AXDND1: variants seen among roughly 807,000 people sequenced by gnomAD.
The protein encoded by AXDND1 is axonemal dynein light chain domain-containing protein 1.
In AXDND1, 110 loss-of-function variants were observed where a neutral mutation model predicts 137.5. The ratio of observed to expected loss-of-function variants is 0.80; its 90% confidence interval spans 0.69 to 0.94. AXDND1 has a LOEUF of 0.94. Ranked by LOEUF, AXDND1 falls within the 40% of genes least tolerant of loss-of-function variation. The pLI is 0.00. For synonymous variants in AXDND1, 414 were observed against 399.7 expected, an observed-to-expected ratio of 1.04 and a Z score of -0.43; for missense variants, 1,191 against 1,169.8, an observed-to-expected ratio of 1.02 and a Z score of -0.26.
At chr1:179,456,659 G>T in intron 16 of AXDND1, 1 of 840,970 alleles carries the variant, frequency 1.2e-6, no homozygotes. Context: ...TGCCACCAAA[G>T]CCATCATGAC....
chr1:179,554,712 C>T lies in AXDND1; in HGVS notation c.*193C>T, dbSNP rs1483990114. ...AGTTGTTTAACTTGCATGGTGCCAC[C>T]CAATAAATATCTGTGCAATTGAAGA... On this transcript the variant is annotated 3_prime_UTR_variant, in exon 26 of 26. Transcript: ENST00000367618. The T allele has an allele frequency of 2.7e-6, 2 of 752,452 alleles. No homozygotes were observed. Among genetic ancestry groups the T allele is most frequent in the African/African-American group, 3.5e-5 (2 of 57,368 alleles). The allele number at this position is 752,452 out of a possible 1,614,324, so 46.6% of individuals were successfully genotyped here. A position where few individuals can be genotyped will look rare whatever the true frequency, so the allele number is the denominator to read the frequency against.
chr1:179,441,049 A>C (rs562652469), intron 15 of AXDND1, among the ~76,000 whole-genome samples: 1 of 152,290 alleles, frequency 6.6e-6, no homozygotes, highest in South Asian at 2.1e-4. Flanking sequence ...TGAGGGAATC[A>C]ATGTACCTCC....
intron 9 of AXDND1, among the ~76,000 whole-genome samples, chr1:179,389,037 C>T (rs537519938): frequency 3.1e-5 from 4 of 127,700 alleles, no homozygotes; most frequent in African/African-American, 8.9e-5. Flanking sequence ...TGCAATGGCA[C>T]GATCTCAGCT....
Position 179,511,575 on chromosome 1 carries a change from C to A in AXDND1, c.2496+2172C>A, listed in dbSNP as rs189409039. ...TGACTTCTTTTCCTCTGGGTAGATA[C>A]CCAGTAATGAGATTGCTGGATCAAA... is the stretch of plus-strand genomic sequence containing the variant. On this transcript the variant is annotated intron_variant, in intron 21 of 25. Transcript: ENST00000367618. Among the ~76,000 whole-genome samples, 31 of 152,170 alleles carry A rather than the reference C, an allele frequency of 2.0e-4. No individual in the cohort carries two copies. In the South Asian group the frequency reaches 4.6e-3, roughly 22 times the overall value.
intron 11 of AXDND1, 132 bp from the exon 12 acceptor site, chr1:179,411,014 A>T: frequency 1.5e-6 from 1 of 649,208 alleles, no homozygotes; most frequent in Non-Finnish European, 2.4e-6. Context: ...CAGCAATTAT[A>T]CCATAATTAC....
Position 179,378,733 on chromosome 1 carries a change from TGATGGTGTCATTGTGCCC to T in AXDND1, c.472_489del (p.Asp158_Pro163del), listed in dbSNP as rs770728862. The T allele has an allele frequency of 3.8e-6, 6 of 1,581,166 alleles. No homozygotes were observed. Among genetic ancestry groups the T allele is most frequent in the Non-Finnish European group, 5.2e-6 (6 of 1,161,642 alleles). Reference sequence around the variant, plus strand: ...ATTTGGCCCGTTCATTACAGTCACATGATGGTGTCATTGTGCCCCATAAGGTAAATAAAGTATTTGACA... The same window carrying T: ...ATTTGGCCCGTTCATTACAGTCACATCATAAGGTAAATAAAGTATTTGACA... On this transcript the variant is annotated inframe_deletion, in exon 5 of 26. Coordinates refer to ENST00000367618, the MANE Select transcript of AXDND1 (RefSeq NM_144696.6).
intron 20 of AXDND1, among the ~76,000 whole-genome samples, chr1:179,498,472 A>C (rs111886024): frequency 1.3e-4 from 20 of 152,178 alleles, no homozygotes; most frequent in African/African-American, 4.3e-4. Context: ...ACATCAAACT[A>C]TAAAAATCTG....
At chr1:179,433,525 G>T (rs181980154) in intron 15 of AXDND1, among the ~76,000 whole-genome samples, 1 of 152,028 alleles carries the variant, frequency 6.6e-6, no homozygotes, top group Non-Finnish European at 1.5e-5. Flanking sequence ...CCATCTTAAC[G>T]CTGCTTTAGC....
chr1:179,512,013 T>A (rs1669106753), intron 21 of AXDND1, among the ~76,000 whole-genome samples: 2 of 152,332 alleles, frequency 1.3e-5, no homozygotes, highest in South Asian at 4.2e-4. Context: ...ACTCTGTGCG[T>A]TGTCTGTTTA....
intron 11 of AXDND1, among the ~76,000 whole-genome samples, chr1:179,401,278 A>AAAAAAAG: frequency 6.7e-6 from 1 of 149,698 alleles, no homozygotes; most frequent in East Asian, 2.0e-4. Flanking sequence ...AAAAAAAAAA[A>AAAAAAAG]GAACGTCTGC....
intron 4 of AXDND1, among the ~76,000 whole-genome samples, chr1:179,372,311 G>A (rs1029733947): frequency 6.6e-6 from 1 of 152,136 alleles, no homozygotes; most frequent in Admixed American, 6.6e-5. Flanking sequence ...GCAGAACATT[G>A]GGTATTTACA....
intron 4 of AXDND1, among the ~76,000 whole-genome samples, chr1:179,378,116 C>G (rs1038387308): frequency 3.9e-5 from 6 of 152,058 alleles, no homozygotes; most frequent in African/African-American, 1.4e-4. Context: ...TTGTAGTGAG[C>G]TGAGATTTTG....
chr1:179,552,081 C>G (rs1254817280), intron 25 of AXDND1: 1 of 169,008 alleles, frequency 5.9e-6, no homozygotes, highest in African/African-American at 2.4e-5. Context: ...GGCCCCCTCA[C>G]CCACACCTCA....
intron 9 of AXDND1, among the ~76,000 whole-genome samples, chr1:179,390,734 AAC>A (rs1295253919): frequency 1.3e-5 from 2 of 150,136 alleles, no homozygotes; most frequent in African/African-American, 4.9e-5. Context: ...ATGGCAGGAA[AAC>A]ACAGCCTAGA....
chr1:179,509,580 C>T (rs1450398084), intron 21 of AXDND1, among the ~76,000 whole-genome samples, 177 bp downstream of exon 21: 1 of 152,158 alleles, frequency 6.6e-6, no homozygotes, highest in South Asian at 2.1e-4. Context: ...GGAATAGAAT[C>T]ATCCACTCAG....
intron 14 of AXDND1, among the ~76,000 whole-genome samples, chr1:179,430,923 C>A (rs180840631): frequency 2.0e-5 from 3 of 152,224 alleles, no homozygotes; most frequent in Non-Finnish European, 4.4e-5. Context: ...GTATTTGGAT[C>A]CATCTGCAAA....
intron 20 of AXDND1, among the ~76,000 whole-genome samples, chr1:179,503,836 T>C (rs1324540184): frequency 6.6e-6 from 1 of 152,168 alleles, no homozygotes; most frequent in Non-Finnish European, 1.5e-5. Context: ...GATAGTTTGC[T>C]GAGAATTATG....
intron 23 of AXDND1, among the ~76,000 whole-genome samples, chr1:179,528,879 A>G (rs1374664589): frequency 6.6e-6 from 1 of 152,072 alleles, no homozygotes; most frequent in Non-Finnish European, 1.5e-5. Flanking sequence ...GACGCGAGCT[A>G]TTGCGCCCGG....
Position 179,533,648 on chromosome 1 carries a change from A to G in AXDND1, c.2716-147A>G, listed in dbSNP as rs988914081. ...TCCCTTTTTTTTTTTTTTTTTTGGT[A>G]TTAAGGGTGTGCTTAACCATCTATT... On this transcript the variant is annotated intron_variant, in intron 23 of 25. Transcript: ENST00000367618. 5 of 332,648 alleles carry G rather than the reference A, an allele frequency of 1.5e-5. No individual in the cohort carries two copies. The South Asian group carries it at 1.5e-4, about 10-fold the overall frequency. The allele number at this position is 332,648 out of a possible 1,614,324, so 20.6% of individuals were successfully genotyped here.
Sources: allele counts gnomAD v4.1 joint callset (sites outside exome capture counted in the v4.1 genomes callset), GRCh38; gene constraint gnomAD v4.1.1; transcripts MANE v1.5; gene names NCBI Gene and HGNC (gene_info 2026-07-23, HGNC 2026-07-21).